PAX2: variants seen among roughly 807,000 people sequenced by gnomAD.
PAX2 encodes paired box protein Pax-2.
Under a neutral mutation model 41.7 loss-of-function variants are expected in PAX2, and 9 were observed. That is an observed-to-expected ratio of 0.22 (90% CI 0.13 to 0.38). PAX2 has a LOEUF of 0.38. Among genes scored for constraint, PAX2 ranks in the 10% least tolerant of loss-of-function variants. The probability of loss-of-function intolerance (pLI) is 1.00; values close to 1 mark genes in which losing one functional copy is unlikely to be tolerated. For synonymous variants in PAX2, 221 were observed against 212.7 expected, an observed-to-expected ratio of 1.04 and a Z score of -0.34; for missense variants, 418 against 531.6, an observed-to-expected ratio of 0.79 and a Z score of 2.10.
At chr10:100,806,908 G>A (rs1231502925) in intron 6 of PAX2, among the ~76,000 whole-genome samples, 1 of 152,158 alleles carries the variant, frequency 6.6e-6, no homozygotes, top group Non-Finnish European at 1.5e-5. Flanking sequence ...TGGATGTAGG[G>A]TTTGTCAAGT....
At chr10:100,789,979 A>G (rs1285886312) in intron 5 of PAX2, among the ~76,000 whole-genome samples, 1 of 152,206 alleles carries the variant, frequency 6.6e-6, no homozygotes. Flanking sequence ...GGGGAAGTAC[A>G]GGGGTTTAGC....
rs547034270 is a variant in PAX2 at position 100,757,785 on chromosome 10, G to A, written c.410+6894G>A. Reference sequence around the variant, plus strand: ...CTGGCCACTGCAGAAGGCTTGGGGTGTAGATGAGGCGTGATGGCAGAGGCA... The same window carrying A: ...CTGGCCACTGCAGAAGGCTTGGGGTATAGATGAGGCGTGATGGCAGAGGCA... On this transcript the variant is annotated intron_variant, in intron 3 of 9. Coordinates refer to ENST00000355243, the MANE Select transcript of PAX2 (RefSeq NM_000278.5). Among the ~76,000 whole-genome samples the A allele has an allele frequency of 3.3e-5, 5 of 152,346 alleles. No individual in the cohort carries two copies. The South Asian group carries it at 8.3e-4, about 25-fold the overall frequency.
At chr10:100,781,218 A>G (rs1564723416) in intron 4 of PAX2, 28 bp from the exon 5 acceptor site, 30 of 1,613,588 alleles carry the variant, frequency 1.9e-5, no homozygotes, top group Non-Finnish European at 2.5e-5. Flanking sequence ...TGCTATCCTG[A>G]TGCCATTTCC....
intron 6 of PAX2, 120 bp downstream of exon 6, chr10:100,806,725 TTCTG>T: frequency 1.1e-6 from 1 of 876,846 alleles, no homozygotes; most frequent in South Asian, 1.3e-5. Context: ...CACACGTGTG[TTCTG>T]TGTGTGTGCA....
intron 5 of PAX2, among the ~76,000 whole-genome samples, chr10:100,783,394 G>A (rs1010407397): frequency 2.6e-5 from 4 of 152,240 alleles, no homozygotes; most frequent in Admixed American, 2.6e-4. Flanking sequence ...CAGGAACTGG[G>A]CTGGGGAGGG....
intron 5 of PAX2, among the ~76,000 whole-genome samples, chr10:100,783,818 T>G (rs528925632): frequency 2.3e-4 from 35 of 152,242 alleles, no homozygotes; most frequent in African/African-American, 8.2e-4. Context: ...GAGATTACGG[T>G]GCCCCCAAGT....
At chr10:100,804,997 CCT>C (rs1439288873) in intron 5 of PAX2, among the ~76,000 whole-genome samples, 11 of 135,230 alleles carry the variant, frequency 8.1e-5, no homozygotes, top group South Asian at 2.4e-4. Flanking sequence ...CTCTCTCTCT[CCT>C]TCTCTCTCTC....
intron 4 of PAX2, 118 bp from the exon 5 acceptor site, chr10:100,781,128 C>G: frequency 3.1e-6 from 3 of 960,618 alleles, no homozygotes; most frequent in Non-Finnish European, 5.1e-6. Flanking sequence ...GGAACGTGGG[C>G]TCCTCATCCC....
At chr10:100,745,518 G>C (rs917484820), upstream of PAX2, among the ~76,000 whole-genome samples, 1 of 151,980 alleles carries the variant, frequency 6.6e-6, no homozygotes, top group African/African-American at 2.4e-5. Flanking sequence ...GCGCGGGGAG[G>C]GGGAGGAGGT....
chr10:100,763,857 C>T (rs1351593916), intron 3 of PAX2, among the ~76,000 whole-genome samples: 3 of 152,216 alleles, frequency 2.0e-5, no homozygotes, highest in Non-Finnish European at 4.4e-5. Context: ...CTTCCCTACT[C>T]ACTGGCTAGA....
chr10:100,769,735 G>T (rs1846151690), intron 3 of PAX2, among the ~76,000 whole-genome samples: 1 of 151,682 alleles, frequency 6.6e-6, no homozygotes, highest in African/African-American at 2.4e-5. Context: ...ATATTCATTT[G>T]TTATTGAACA....
At chr10:100,745,096 C>T (rs1589804265), upstream of PAX2, among the ~76,000 whole-genome samples, 1 of 152,116 alleles carries the variant, frequency 6.6e-6, no homozygotes, top group East Asian at 1.9e-4. Context: ...CGGGGCCGCG[C>T]GGCCCAGGCG....
chr10:100,828,463 G>A lies in PAX2; in HGVS notation c.*844G>A. 1 of 234,186 alleles carries A rather than the reference G, an allele frequency of 4.3e-6. No individual in the cohort carries two copies. The allele number at this position is 234,186 out of a possible 1,614,324, so 14.5% of individuals were successfully genotyped here. On this transcript the variant is annotated 3_prime_UTR_variant, in exon 10 of 10. Coordinates refer to ENST00000355243, the MANE Select transcript of PAX2 (RefSeq NM_000278.5). The surrounding 1 kb of genome is among the most constrained non-coding windows in gnomAD (Gnocchi z 6.5). Reference sequence around the variant, plus strand: ...CCCTACCTCAGCGTCTCTTCCACCTGCTGGCCTCCCAGTTTCCCCTCCTGC... The same window carrying A: ...CCCTACCTCAGCGTCTCTTCCACCTACTGGCCTCCCAGTTTCCCCTCCTGC...
intron 5 of PAX2, among the ~76,000 whole-genome samples, chr10:100,787,727 C>A (rs1189514909): frequency 6.6e-6 from 1 of 151,992 alleles, no homozygotes; most frequent in Non-Finnish European, 1.5e-5. Context: ...CAAAGGCACC[C>A]CCTCATGTGA....
At position 100,826,174 on chromosome 10, in the gene PAX2, G is replaced by C. The variant is rs569927284; in HGVS notation, c.1022-835G>C. ...TGCTGCACGCATGCTTTCCCTCCTCGTCAATAAACAGGCTTTCCAGTGGCT... is the reference window on the plus strand; with the variant it reads ...TGCTGCACGCATGCTTTCCCTCCTCCTCAATAAACAGGCTTTCCAGTGGCT... On this transcript the variant is annotated intron_variant, in intron 8 of 9. Transcript: ENST00000355243. The surrounding 1 kb of genome is among the most constrained non-coding windows in gnomAD (Gnocchi z 5.5). Among the ~76,000 whole-genome samples the C allele has an allele frequency of 4.6e-5, 7 of 152,206 alleles. No individual in the cohort carries two copies. Among genetic ancestry groups the C allele is most frequent in the Admixed American group, 3.3e-4 (5 of 15,296 alleles).
At chr10:100,808,449 G>A (rs1486279254) in intron 6 of PAX2, among the ~76,000 whole-genome samples, 1 of 152,092 alleles carries the variant, frequency 6.6e-6, no homozygotes, top group Non-Finnish European at 1.5e-5. Context: ...GCAGGCTCCC[G>A]GTCTGCCCAG....
rs763849189 is a variant in PAX2, at chr10:100,746,241, T to C, written c.-20T>C. Reference sequence around the variant, plus strand: ...GACACGGCGGCGGCGGCCGCGCTGCTCCCGCTCCTCTGCCTCCCCATGGAT... The same window carrying C: ...GACACGGCGGCGGCGGCCGCGCTGCCCCCGCTCCTCTGCCTCCCCATGGAT... On this transcript the variant is annotated 5_prime_UTR_variant, in exon 1 of 10. Coordinates refer to ENST00000355243, the MANE Select transcript of PAX2 (RefSeq NM_000278.5). 1.2e-6 allele frequency: 2 copies of C among 1,613,282 alleles called. No individual in the cohort carries two copies. Among genetic ancestry groups the C allele is most frequent in the East Asian group, 2.2e-5 (1 of 44,822 alleles).
At chr10:100,812,306 G>A (rs1001028586) in intron 7 of PAX2, among the ~76,000 whole-genome samples, 2 of 152,198 alleles carry the variant, frequency 1.3e-5, no homozygotes, top group Admixed American at 6.5e-5. Context: ...CCCTTCCGCC[G>A]CTGGGCTGCT....
In PAX2 at chr10:100,750,560, G is replaced by C. The variant is rs1845402960; in HGVS notation, c.213-134G>C. 1.2e-5 allele frequency: 9 copies of C among 759,092 alleles called. No homozygotes were observed. Among genetic ancestry groups the C allele is most frequent in the Non-Finnish European group, 2.0e-5 (9 of 457,802 alleles). The allele number at this position is 759,092 out of a possible 1,614,324, so 47.0% of individuals were successfully genotyped here. A position where few individuals can be genotyped will look rare whatever the true frequency, so the allele number is the denominator to read the frequency against. On this transcript the variant is annotated intron_variant, in intron 2 of 9. Transcript: ENST00000355243. The surrounding 1 kb of genome is among the most constrained non-coding windows in gnomAD (Gnocchi z 4.1). ...CAGGCACCCTCAGGAAGTCAGCTCA[G>C]CCACACTGGGCCTTTTCCCTCCACT...
Sources: gnomAD v4.1 joint callset for allele counts (sites outside exome capture counted in the v4.1 genomes callset) on GRCh38, gnomAD v4.1.1 for gene constraint, Gnocchi (gnomAD v3.1) non-coding constraint, MANE v1.5 for transcripts, NCBI Gene and HGNC (gene_info 2026-07-23, HGNC 2026-07-21) for gene names.